The following MYH3 variants were observed in gnomAD, a reference collection of about 807,000 sequenced individuals.
The protein encoded by MYH3 is myosin heavy chain 3, also known as myosin-3.
MYH3 carries 130 observed loss-of-function variants against 238.0 expected under a neutral mutation model. That is an observed-to-expected ratio of 0.55 (90% confidence interval 0.47 to 0.63). MYH3 has a LOEUF of 0.63. MYH3 is among the 30% of genes least tolerant of loss of function. The pLI, the probability that MYH3 is intolerant of heterozygous loss-of-function variation, is 0.00. For missense variants in MYH3, 1,853 were observed against 2,374.9 expected (o/e 0.78, Z 4.57); for synonymous variants, 880 against 924.1 (o/e 0.95, Z 0.86).
upstream of MYH3, among the ~76,000 whole-genome samples, chr17:10,659,904 G>C (rs1362560600): frequency 2.6e-5 from 4 of 152,370 alleles, no homozygotes; most frequent in East Asian, 7.7e-4. Flanking sequence ...ACCCACGGCA[G>C]TCTGGAGAGC....
At chr17:10,637,751 C>G in intron 28 of MYH3, 58 bp downstream of exon 28, 1 of 1,611,856 alleles carries the variant, frequency 6.2e-7, no homozygotes, top group Non-Finnish European at 8.5e-7. Context: ...TTTTGGCCAG[C>G]TACGCCCATT....
Position 10,630,074 on chromosome 17 carries a change from C to T in MYH3, c.5562+18G>A, listed in dbSNP as rs776160692. 8 of 1,610,902 alleles carry T rather than the reference C, an allele frequency of 5.0e-6. No individual in the cohort carries two copies. The highest frequency in any genetic ancestry group is 1.7e-5 in the Admixed American group (1 of 60,028). ...CACGTCACAGAGGACACGATCATGG[C>T]GTTTGCGTTCCACTTACCTGGTACG... is the stretch of plus-strand genomic sequence containing the variant. On this transcript the variant is annotated intron_variant, in intron 38 of 40. Transcript: ENST00000583535.
At position 10,630,399 on chromosome 17, in the gene MYH3, C is replaced by T. The variant is rs1443387903; in HGVS notation, c.5346G>A (p.Arg1782=). 3 of 1,614,084 alleles carry T rather than the reference C, an allele frequency of 1.9e-6. No individual in the cohort carries two copies. In the South Asian group the frequency reaches 3.3e-5, roughly 18 times the overall value. The change falls in exon 37 of 41, where the codon CGG becomes CGA. Residue 1782 remains arginine, a synonymous_variant. Transcript: ENST00000583535. ...CCGTCTGTTCCAGGTTCTTCTTCAT[C>T]CGCTCAAGGTGGGCGCTGGTGTCCT... ...KEQDTSAHLE[R]MKKNLEQTVK... is the part of the protein sequence containing the mutation.
upstream of MYH3, among the ~76,000 whole-genome samples, chr17:10,661,827 G>A (rs1025146735): frequency 2.0e-5 from 3 of 152,216 alleles, no homozygotes; most frequent in South Asian, 6.2e-4. Flanking sequence ...ACTGTGATGG[G>A]GATTAGGTGT....
intron 12 of MYH3, among the ~76,000 whole-genome samples, chr17:10,645,479 CA>C (rs2074312053): frequency 6.6e-6 from 1 of 152,018 alleles, no homozygotes; most frequent in African/African-American, 2.4e-5. Context: ...AGGCATGCTC[CA>C]CCATGCCCAG....
In MYH3 at chr17:10,635,807, T is replaced by G. The variant is rs376842050; in HGVS notation, c.3903A>C (p.Gln1301His). 1 of 1,614,030 alleles carries G rather than the reference T, an allele frequency of 6.2e-7. No individual in the cohort carries two copies. Among genetic ancestry groups the G allele is most frequent in the Non-Finnish European group, 8.5e-7 (1 of 1,180,024 alleles). The change falls in exon 29 of 41, where the codon CAA becomes CAC. Residue 1301 changes from glutamine to histidine, a missense_variant. By Grantham distance (24) the Gln-to-His change is conservative. Coordinates refer to ENST00000583535, the MANE Select transcript of MYH3 (RefSeq NM_002470.4). ...TAAAGGCTTGCTTGCTCCTGGAAAGTTGGGATACTATGCTTTCTTTTTCTT... is the reference window on the plus strand; with the variant it reads ...TAAAGGCTTGCTTGCTCCTGGAAAGGTGGGATACTATGCTTTCTTTTTCTT... ...QLEEKESIVS[Q>H]LSRSKQAFTQ...
intron 12 of MYH3, 39 bp from the exon 13 acceptor site, chr17:10,644,741 G>C (rs1196128943): frequency 6.8e-7 from 1 of 1,478,210 alleles, no homozygotes; most frequent in Non-Finnish European, 9.5e-7. Flanking sequence ...AAAAGTAGAA[G>C]AGCTGCTTTG....
At chr17:10,667,225 G>GT in the MYH3 span, among the ~76,000 whole-genome samples, 1 of 152,306 alleles carries the variant, frequency 6.6e-6, no homozygotes, top group Non-Finnish European at 1.5e-5. Context: ...GGAACCTACG[G>GT]TAAGAGATAT....
intron 1 of MYH3, among the ~76,000 whole-genome samples, chr17:10,656,563 AC>A (rs2074433562): frequency 6.7e-6 from 1 of 148,762 alleles, no homozygotes; most frequent in African/African-American, 2.5e-5. Flanking sequence ...AAAAAAAAAG[AC>A]TAATACTTTA....
At position 10,635,413 on chromosome 17, in the gene MYH3, A is replaced by G. The variant is rs1301376046; in HGVS notation, c.4126T>C (p.Tyr1376His). The change falls in exon 30 of 41, where the codon TAC becomes CAC. Residue 1376 changes from tyrosine to histidine, a missense_variant. Around this residue, in one of 3 missense-constraint regions of MYH3, gnomAD observed 1,044 missense variants for 1,192.6 expected, o/e 0.88. Coordinates refer to ENST00000583535, the MANE Select transcript of MYH3 (RefSeq NM_002470.4). The stretch of plus-strand genomic sequence containing the variant: ...GTGCGCTGGATGGCGTCCGTCTCGT[A>G]TTTGGTTCTCCACTGGGCAACCTCA... ...NSEVAQWRTK[Y>H]ETDAIQRTEE... 1 of 1,614,002 alleles carries G rather than the reference A, an allele frequency of 6.2e-7. No individual in the cohort carries two copies. The highest frequency in any genetic ancestry group is 8.5e-7 in the Non-Finnish European group (1 of 1,179,880).
Position 10,638,175 on chromosome 17 carries a change from A to C in MYH3, c.3597T>G (p.Asp1199Glu). Residue 1199 changes from aspartate (D) to glutamate (E), a missense_variant, in exon 27 of 41, where the codon GAT becomes GAG. Asp to Glu is a conservative substitution (Grantham distance 45). Coordinates refer to ENST00000583535, the MANE Select transcript of MYH3 (RefSeq NM_002470.4). ...MVAALRKKHA[D>E]SVAELGEQID... ...TCTGCTCCCCAAGCTCGGCCACACT[A>C]TCCGCATGCTTCTTCCTCAGCGCGG... 1 of 1,613,702 alleles carries C rather than the reference A, an allele frequency of 6.2e-7. No homozygotes were observed. The highest frequency in any genetic ancestry group is 8.5e-7 in the Non-Finnish European group (1 of 1,179,960).
chr17:10,629,108 T>C lies in MYH3; in HGVS notation c.5797-429A>G, dbSNP rs1414140108. 2.6e-5 allele frequency among the ~76,000 whole-genome samples: 4 copies of C among 152,118 alleles called. 1 individual carries two copies. The highest frequency in any genetic ancestry group is 4.8e-5 in the African/African-American group (2 of 41,418). On this transcript the variant is annotated intron_variant, in intron 40 of 40. Transcript: ENST00000583535. Reference sequence around the variant, plus strand: ...ATGTGCCATGGTGGTTTGCTGCACCTATCAACCTGTCATCTAGGTTTTAGG... The same window carrying C: ...ATGTGCCATGGTGGTTTGCTGCACCCATCAACCTGTCATCTAGGTTTTAGG...
In MYH3 at chr17:10,630,414, G is replaced by A. The variant is rs200111154; in HGVS notation, c.5331C>T (p.Ser1777=). 308 of 1,614,178 alleles carry A rather than the reference G, an allele frequency of 1.9e-4. No homozygotes were observed. Among genetic ancestry groups the A allele is most frequent in the East Asian group, 3.6e-4 (16 of 44,872 alleles). ...TCTTCTTCATCCGCTCAAGGTGGGC[G>A]CTGGTGTCCTGCTCCTTCTTCAGCT... ...AEELKKEQDT[S]AHLERMKKNL... is the part of the protein sequence containing the mutation. Residue 1777 remains serine, a synonymous_variant, in exon 37 of 41, where the codon AGC becomes AGT. Transcript: ENST00000583535.
At chr17:10,646,405 G>C (rs562810170) in intron 10 of MYH3, among the ~76,000 whole-genome samples, 2 of 152,292 alleles carry the variant, frequency 1.3e-5, no homozygotes, top group African/African-American at 4.8e-5. Context: ...TCTAAAATCT[G>C]TTGAAAAGCA....
chr17:10,630,514 T>C (rs2074145515), intron 36 of MYH3, 56 bp from the exon 37 acceptor site: 1 of 1,611,426 alleles, frequency 6.2e-7, no homozygotes, highest in Non-Finnish European at 8.5e-7. Context: ...GCCTTGGAAC[T>C]GTCAAAACCT....
chr17:10,652,093 C>A, intron 4 of MYH3: 1 of 420,380 alleles, frequency 2.4e-6, no homozygotes, highest in Non-Finnish European at 4.5e-6. Flanking sequence ...AGGGGGGAGG[C>A]TACCATTCCT....
At chr17:10,650,073 G>A (rs545804256) in intron 6 of MYH3, among the ~76,000 whole-genome samples, 2 of 152,172 alleles carry the variant, frequency 1.3e-5, no homozygotes, top group East Asian at 3.9e-4. Context: ...CTGGGTTCAC[G>A]CCATTCTCCT....
At chr17:10,669,762 T>C in the MYH3 span, among the ~76,000 whole-genome samples, 1 of 151,708 alleles carries the variant, frequency 6.6e-6, no homozygotes, top group Non-Finnish European at 1.5e-5. Flanking sequence ...AACAAAAAAA[T>C]CAGCTGGGCG....
the MYH3 span, chr17:10,675,663 G>A: frequency 2.0e-5 from 3 of 152,184 alleles, no homozygotes; most frequent in South Asian, 2.1e-4. Context: ...CTTTTAACAC[G>A]ATGGGTTAGT....
Sources: gnomAD v4.1 joint callset for allele counts (sites outside exome capture counted in the v4.1 genomes callset) on GRCh38, gnomAD v4.1.1 for gene constraint, gnomAD v4.1.1 regional missense constraint, MANE v1.5 for transcripts, NCBI Gene and HGNC (gene_info 2026-07-23, HGNC 2026-07-21) for gene names.